The following DLGAP3 variants were observed in gnomAD, a reference collection of about 807,000 sequenced individuals.
DLGAP3 encodes the protein disks large-associated protein 3.
Under a neutral mutation model 81.2 loss-of-function variants are expected in DLGAP3, and 17 were observed. That is an observed-to-expected ratio of 0.21 (90% CI 0.14 to 0.31). DLGAP3 has a LOEUF of 0.31. Ranked by LOEUF, DLGAP3 falls within the 10% of genes least tolerant of loss-of-function variation. The probability of loss-of-function intolerance (pLI) is 1.00; values close to 1 mark genes in which losing one functional copy is unlikely to be tolerated. For synonymous variants in DLGAP3, 577 were observed against 587.4 expected, an observed-to-expected ratio of 0.98 and a Z score of 0.26; for missense variants, 1,124 against 1,388.0, an observed-to-expected ratio of 0.81 and a Z score of 3.02.
rs1305573838 is a variant in DLGAP3, at chr1:34,885,549, T to C, written c.1843A>G (p.Thr615Ala). The C allele has an allele frequency of 6.2e-7, 1 of 1,608,522 alleles. No homozygotes were observed. Among genetic ancestry groups the C allele is most frequent in the Non-Finnish European group, 8.5e-7 (1 of 1,179,716 alleles). Residue 615 changes from threonine to alanine, a missense_variant, in exon 7 of 12, where the codon ACC (threonine) becomes GCC (alanine). This residue lies in a region of DLGAP3 where 379 missense variants were observed against 455.7 expected (regional missense o/e 0.83). Coordinates refer to ENST00000373347, the MANE Select transcript of DLGAP3 (RefSeq NM_001080418.3). ...SPKPPTLIIK[T>A]IPGREELRSL... ...CGCAGCTCCTCCCTGCCAGGGATGGTCTTGATGATGAGTGTGGGGGGCTTG... is the reference window on the plus strand; with the variant it reads ...CGCAGCTCCTCCCTGCCAGGGATGGCCTTGATGATGAGTGTGGGGGGCTTG...
At chr1:34,927,229 CA>C (rs1639886235) in intron 1 of DLGAP3, among the ~76,000 whole-genome samples, 2 of 152,060 alleles carry the variant, frequency 1.3e-5, no homozygotes, top group South Asian at 4.1e-4. Context: ...ATTTCTTTTC[CA>C]AAAATCCCCT....
chr1:34,868,464 G>T lies in DLGAP3; in HGVS notation c.2485+141C>A. On this transcript the variant is annotated intron_variant, in intron 9 of 11. Coordinates refer to ENST00000373347, the MANE Select transcript of DLGAP3 (RefSeq NM_001080418.3). The surrounding 1 kb of genome is among the most constrained non-coding windows in gnomAD (Gnocchi z 7.5). ...CTTGCTGCCGATGTTGACCCGCCAC[G>T]CTCCAGTGCAGAAGACCAGTGAGGC... 1.4e-6 allele frequency: 1 copy of T among 732,446 alleles called. No individual in the cohort carries two copies. Among genetic ancestry groups the T allele is most frequent in the East Asian group, 2.7e-5 (1 of 37,574 alleles). 45.4% of individuals were successfully genotyped at this position (732,446 alleles called of 1,614,324 possible). A position where few individuals can be genotyped will look rare whatever the true frequency, so the allele number is the denominator to read the frequency against.
intron 8 of DLGAP3, among the ~76,000 whole-genome samples, chr1:34,883,539 C>T (rs922134003): frequency 1.8e-4 from 27 of 152,320 alleles, no homozygotes; most frequent in African/African-American, 6.5e-4. Flanking sequence ...TGCATCCATC[C>T]ATGACTCCTA....
At chr1:34,911,022 A>ACCC (rs58074971) in intron 1 of DLGAP3, among the ~76,000 whole-genome samples, 7,507 of 129,850 alleles carry the variant, frequency 0.058, 278 homozygotes, top group East Asian at 0.076. Context: ...GATATTATCC[A>ACCC]CCCCCCCCCC....
intron 1 of DLGAP3, among the ~76,000 whole-genome samples, chr1:34,912,815 C>T (rs1029464877): frequency 2.0e-5 from 3 of 152,208 alleles, no homozygotes; most frequent in Non-Finnish European, 2.9e-5. Context: ...TAACACAGAG[C>T]CTCTGACCTG....
At chr1:34,892,406 G>A (rs771419396) in intron 5 of DLGAP3, among the ~76,000 whole-genome samples, 16 of 152,022 alleles carry the variant, frequency 1.1e-4, no homozygotes, top group African/African-American at 1.9e-4. Context: ...TCCAGAAGGA[G>A]GAGGGGAAAA....
intron 1 of DLGAP3, among the ~76,000 whole-genome samples, chr1:34,920,157 G>A (rs1197594245): frequency 6.6e-6 from 1 of 152,042 alleles, no homozygotes; most frequent in Non-Finnish European, 1.5e-5. Flanking sequence ...CACAGTCCAC[G>A]TGCCTCTCTC....
chr1:34,889,482 C>T (rs1256635548), intron 5 of DLGAP3, among the ~76,000 whole-genome samples: 1 of 152,250 alleles, frequency 6.6e-6, no homozygotes, highest in Admixed American at 6.5e-5. Context: ...CATCCATTTA[C>T]AGGAGACTCA....
In DLGAP3 at chr1:34,902,871, T is replaced by C. The variant is rs1639484319; in HGVS notation, c.1107+1406A>G. 6.6e-6 allele frequency among the ~76,000 whole-genome samples: 1 copy of C among 152,074 alleles called. No homozygotes were observed. Among genetic ancestry groups the C allele is most frequent in the South Asian group, 2.1e-4 (1 of 4,824 alleles). On this transcript the variant is annotated intron_variant, in intron 3 of 11. Transcript: ENST00000373347. The surrounding 1 kb of genome is among the most constrained non-coding windows in gnomAD (Gnocchi z 4.4). The stretch of plus-strand genomic sequence containing the variant: ...CGAAATGGCAACAAGTCTTCAGGGA[T>C]GGCAAGGAATCGGCTATGGGGGAGA...
chr1:34,865,897 G>A lies in DLGAP3; in HGVS notation c.*186C>T. The A allele has an allele frequency of 1.5e-6, 1 of 684,830 alleles. No individual in the cohort carries two copies. Among genetic ancestry groups the A allele is most frequent in the South Asian group, 1.5e-5 (1 of 64,958 alleles). 42.4% of individuals were successfully genotyped at this position (684,830 alleles called of 1,614,324 possible). On this transcript the variant is annotated 3_prime_UTR_variant, in exon 12 of 12. Transcript: ENST00000373347. ...AGAGGCACGGCCCCCTGCCCAGCCC[G>A]GGCGCCTTCGCGTGGGATCAGGAAG...
At chr1:34,899,594 T>C in intron 5 of DLGAP3, 75 bp downstream of exon 5, 1 of 1,323,322 alleles carries the variant, frequency 7.6e-7, no homozygotes, top group African/African-American at 1.4e-5. Flanking sequence ...ACCCTCTGAT[T>C]TTAAGTCCTA....
chr1:34,922,474 T>G (rs977600965), intron 1 of DLGAP3, among the ~76,000 whole-genome samples: 2 of 152,180 alleles, frequency 1.3e-5, no homozygotes, highest in Non-Finnish European at 2.9e-5. Context: ...CCCACATACA[T>G]GCTCACATGC....
chr1:34,865,981 G>A lies in DLGAP3; in HGVS notation c.*102C>T, dbSNP rs1224717797. 4 of 1,039,884 alleles carry A rather than the reference G, an allele frequency of 3.8e-6. No homozygotes were observed. Among genetic ancestry groups the A allele is most frequent in the Non-Finnish European group, 4.2e-6 (3 of 713,216 alleles). 64.4% of individuals were successfully genotyped at this position (1,039,884 alleles called of 1,614,324 possible). A position where few individuals can be genotyped will look rare whatever the true frequency, so the allele number is the denominator to read the frequency against. On this transcript the variant is annotated 3_prime_UTR_variant, in exon 12 of 12. Transcript: ENST00000373347. ...GGCCGGGGCGTCCGGTGCCGGTGGG[G>A]CGGGCGCACGGGGCGGCCCGCGTTC...
intron 1 of DLGAP3, among the ~76,000 whole-genome samples, chr1:34,915,233 A>T (rs932704940): frequency 1.3e-5 from 2 of 152,226 alleles, no homozygotes. Context: ...TGCGGCAATG[A>T]GTAACTAAGC....
At position 34,907,661 on chromosome 1, in the gene DLGAP3, A is replaced by C. The variant is rs1031644755; in HGVS notation, c.-134-224T>G. ...TACAGGTTGGACTATCTCCAACTGCAGGTGTCTGTGGGATCTGTCCATGGT... is the reference window on the plus strand; with the variant it reads ...TACAGGTTGGACTATCTCCAACTGCCGGTGTCTGTGGGATCTGTCCATGGT... On this transcript the variant is annotated intron_variant, in intron 1 of 11. Coordinates refer to ENST00000373347, the MANE Select transcript of DLGAP3 (RefSeq NM_001080418.3). Among the ~76,000 whole-genome samples, 14 of 152,210 alleles carry C rather than the reference A, an allele frequency of 9.2e-5. 1 individual carries two copies.
intron 1 of DLGAP3, among the ~76,000 whole-genome samples, chr1:34,923,894 C>A (rs1310491896): frequency 6.6e-6 from 1 of 152,194 alleles, no homozygotes; most frequent in Non-Finnish European, 1.5e-5. Flanking sequence ...TTCTTGAACT[C>A]CCTGCCACAC....
At chr1:34,911,243 A>G (rs950393828) in intron 1 of DLGAP3, among the ~76,000 whole-genome samples, 2 of 152,202 alleles carry the variant, frequency 1.3e-5, no homozygotes, top group African/African-American at 4.8e-5. Context: ...ATGGAAGTGA[A>G]TATGTTTTTT....
rs998418383 is a variant in DLGAP3, at chr1:34,867,719, T to G, written c.2486-92A>C. 7.5e-6 allele frequency: 8 copies of G among 1,061,266 alleles called. No homozygotes were observed. The East Asian group carries it at 1.7e-4, about 22-fold the overall frequency. 65.7% of individuals were successfully genotyped at this position (1,061,266 alleles called of 1,614,324 possible). A position where few individuals can be genotyped will look rare whatever the true frequency, so the allele number is the denominator to read the frequency against. ...GCCCTGAATGACGCTGACCCCTCGGTTGCTTGGCACTGTGTATCCATCAGT... is the reference window on the plus strand; with the variant it reads ...GCCCTGAATGACGCTGACCCCTCGGGTGCTTGGCACTGTGTATCCATCAGT... On this transcript the variant is annotated intron_variant, in intron 9 of 11. Coordinates refer to ENST00000373347, the MANE Select transcript of DLGAP3 (RefSeq NM_001080418.3). This position sits in a 1 kb window ranked among gnomAD's most constrained non-coding sequence, Gnocchi z 4.3.
rs1034507099 is a variant in DLGAP3 at position 34,929,159 on chromosome 1, C to A, written c.-135+292G>T. On this transcript the variant is annotated intron_variant, in intron 1 of 11. Coordinates refer to ENST00000373347, the MANE Select transcript of DLGAP3 (RefSeq NM_001080418.3). The surrounding 1 kb of genome is among the most constrained non-coding windows in gnomAD (Gnocchi z 6.5). Reference sequence around the variant, plus strand: ...TCCCTCCCAGACCCGAGCCTCCAGCCGGGCGAGGGCTGGGCCGGGGCTGGC... The same window carrying A: ...TCCCTCCCAGACCCGAGCCTCCAGCAGGGCGAGGGCTGGGCCGGGGCTGGC... Among the ~76,000 whole-genome samples, 2 of 151,996 alleles carry A rather than the reference C, an allele frequency of 1.3e-5. No homozygotes were observed. Among genetic ancestry groups the A allele is most frequent in the African/African-American group, 2.4e-5 (1 of 41,464 alleles).
Sources: allele counts gnomAD v4.1 joint callset (sites outside exome capture counted in the v4.1 genomes callset), GRCh38; gene constraint gnomAD v4.1.1; regional missense constraint gnomAD v4.1.1; non-coding constraint Gnocchi (gnomAD v3.1); transcripts MANE v1.5; gene names NCBI Gene and HGNC (gene_info 2026-07-23, HGNC 2026-07-21).